ROR1: variants seen among roughly 807,000 people sequenced by gnomAD.
ROR1 encodes ROR family WNT receptor 1.
In ROR1, 19 loss-of-function variants were observed where a neutral mutation model predicts 78.8. That is an observed-to-expected ratio of 0.24 (90% CI 0.17 to 0.35). ROR1 has a LOEUF of 0.35. ROR1 is among the 10% of genes least tolerant of loss of function. The pLI, the probability that ROR1 is intolerant of heterozygous loss-of-function variation, is 1.00. For missense variants in ROR1, 917 were observed against 1,177.8 expected (o/e 0.78, Z 3.24); for synonymous variants, 386 against 433.6 (o/e 0.89, Z 1.36).
At chr1:64,153,422 G>A (rs1227754318) in intron 7 of ROR1, among the ~76,000 whole-genome samples, 4 of 152,294 alleles carry the variant, frequency 2.6e-5, no homozygotes, top group Non-Finnish European at 5.9e-5. Context: ...CAAAAGAATT[G>A]AAGTCGGGGT....
chr1:64,039,195 G>A (rs1244212168), intron 2 of ROR1, among the ~76,000 whole-genome samples: 1 of 152,154 alleles, frequency 6.6e-6, no homozygotes, highest in Non-Finnish European at 1.5e-5. Flanking sequence ...ATGGAGAAAG[G>A]GAGAAAGAAT....
chr1:63,927,959 CTTTT>C (rs71056016), intron 1 of ROR1, among the ~76,000 whole-genome samples: 17 of 134,170 alleles, frequency 1.3e-4, no homozygotes, highest in Non-Finnish European at 1.7e-4. Flanking sequence ...AAGGGGTTCC[CTTTT>C]TTTTTTTTTT....
At chr1:64,050,060 A>G in intron 3 of ROR1, 82 bp downstream of exon 3, 1 of 1,452,190 alleles carries the variant, frequency 6.9e-7, no homozygotes, top group Non-Finnish European at 9.5e-7. Flanking sequence ...GACAGGAAGG[A>G]AGGAATGCAC....
chr1:63,840,329 G>T (rs187031255), intron 1 of ROR1, among the ~76,000 whole-genome samples: 130 of 151,476 alleles, frequency 8.6e-4, no homozygotes, highest in African/African-American at 3.1e-3. Context: ...GCCCAGGCTG[G>T]GGTGCAATGG....
intron 1 of ROR1, among the ~76,000 whole-genome samples, chr1:63,911,657 G>A (rs538357887): frequency 2.0e-5 from 3 of 151,532 alleles, no homozygotes; most frequent in East Asian, 2.0e-4. Context: ...GTTAAGGACC[G>A]CTGTAGATAG....
At chr1:63,956,173 G>C (rs1238682143) in intron 1 of ROR1, among the ~76,000 whole-genome samples, 1 of 152,182 alleles carries the variant, frequency 6.6e-6, no homozygotes, top group Non-Finnish European at 1.5e-5. Flanking sequence ...AACTGTCACG[G>C]ATGTTTCACA....
rs80063252 is a variant in ROR1, at chr1:64,177,595, G to A, written c.1554G>A (p.Thr518=). The change falls in exon 9 of 9, where the codon ACG becomes ACA. Residue 518 remains threonine, a synonymous_variant. Transcript: ENST00000371079. ...ACTATAACAACCCCCAGCAATGGAC[G>A]GAATTTCAACAAGAAGCCTCCCTAA... The part of the protein sequence containing the change: ...LKDYNNPQQW[T]EFQQEASLMA... 3,846 of 1,614,154 alleles carry A rather than the reference G, an allele frequency of 2.4e-3. 100 individuals carry two copies. In the African/African-American group the frequency reaches 0.045, roughly 19 times the overall value.
At chr1:64,012,918 T>G (rs779973230) in intron 2 of ROR1, among the ~76,000 whole-genome samples, 2 of 152,174 alleles carry the variant, frequency 1.3e-5, no homozygotes, top group Non-Finnish European at 2.9e-5. Flanking sequence ...TCAAGAATAG[T>G]AGTGATCTGG....
chr1:64,076,505 G>A (rs886459044), intron 4 of ROR1, among the ~76,000 whole-genome samples: 2 of 152,126 alleles, frequency 1.3e-5, no homozygotes, highest in Non-Finnish European at 2.9e-5. Flanking sequence ...AAAGAAACTT[G>A]CCTCAATTTA....
chr1:64,157,301 C>A (rs556580647), intron 7 of ROR1, among the ~76,000 whole-genome samples: 1 of 152,172 alleles, frequency 6.6e-6, no homozygotes, highest in East Asian at 1.9e-4. Flanking sequence ...CCATGCCTGG[C>A]TAATTTTTTT....
At chr1:64,081,768 CAAA>C (rs55945635) in intron 4 of ROR1, among the ~76,000 whole-genome samples, 3 of 98,906 alleles carry the variant, frequency 3.0e-5, no homozygotes, top group African/African-American at 8.4e-5. Context: ...GAGACACTGT[CAAA>C]AAAAAAAAAA....
intron 1 of ROR1, among the ~76,000 whole-genome samples, chr1:63,785,821 C>T (rs747480967): frequency 1.6e-4 from 25 of 152,110 alleles, no homozygotes; most frequent in Non-Finnish European, 2.9e-4. Context: ...CCACCGCGCC[C>T]GGCCTACGCA....
chr1:63,896,752 C>T (rs1040761588), intron 1 of ROR1, among the ~76,000 whole-genome samples: 12 of 151,900 alleles, frequency 7.9e-5, no homozygotes, highest in African/African-American at 2.7e-4. Flanking sequence ...ACATCTAACC[C>T]TTGATTTGGG....
intron 1 of ROR1, among the ~76,000 whole-genome samples, chr1:63,941,898 G>A (rs1199691366): frequency 6.6e-6 from 1 of 152,096 alleles, no homozygotes; most frequent in Non-Finnish European, 1.5e-5. Context: ...GAGCCTCCGG[G>A]TGCCAGACAC....
chr1:63,957,257 G>A (rs1645990757), intron 1 of ROR1, among the ~76,000 whole-genome samples: 1 of 152,198 alleles, frequency 6.6e-6, no homozygotes, highest in Non-Finnish European at 1.5e-5. Flanking sequence ...GTGTTACTAT[G>A]TCGTTGTAAT....
intron 4 of ROR1, among the ~76,000 whole-genome samples, chr1:64,086,317 T>TTTA (rs1457172801): frequency 6.6e-6 from 1 of 152,248 alleles, no homozygotes; most frequent in African/African-American, 2.4e-5. Flanking sequence ...CAAACCCGTC[T>TTTA]TTATATTCCA....
chr1:63,961,653 G>A (rs1167403932), intron 1 of ROR1, among the ~76,000 whole-genome samples: 1 of 152,218 alleles, frequency 6.6e-6, no homozygotes, highest in Non-Finnish European at 1.5e-5. Flanking sequence ...CTTAGAAGCA[G>A]AGAGTAGAAT....
chr1:63,873,253 G>GT, intron 1 of ROR1, among the ~76,000 whole-genome samples: 1 of 152,270 alleles, frequency 6.6e-6, no homozygotes, highest in South Asian at 2.1e-4. Flanking sequence ...CTGAGTGCCT[G>GT]TTTGAGTGAT....
chr1:63,880,139 T>A (rs1437697669), intron 1 of ROR1, among the ~76,000 whole-genome samples: 1 of 152,102 alleles, frequency 6.6e-6, no homozygotes, highest in East Asian at 1.9e-4. Context: ...ATAATAGTAA[T>A]GACTACAAGA....
Sources: gnomAD v4.1 joint callset for allele counts (sites outside exome capture counted in the v4.1 genomes callset) on GRCh38, gnomAD v4.1.1 for gene constraint, MANE v1.5 for transcripts, NCBI Gene and HGNC (gene_info 2026-07-23, HGNC 2026-07-21) for gene names.